The following UQCRC2 variants were observed in gnomAD, a reference collection of about 807,000 sequenced individuals.
The protein encoded by UQCRC2 is cytochrome b-c1 complex subunit 2, mitochondrial.
A neutral mutation model predicts 55.6 loss-of-function variants in UQCRC2; 49 were observed. The observed-to-expected ratio is 0.88, with a 90% CI of 0.70 to 1.12. The LOEUF is 1.12. Ranked by LOEUF, UQCRC2 falls within the 50% of genes most tolerant of loss-of-function variation. The probability of loss-of-function intolerance (pLI) is 0.00; values close to 1 mark genes in which losing one functional copy is unlikely to be tolerated. For synonymous variants in UQCRC2, 193 were observed against 192.0 expected (o/e 1.01, Z -0.04); for missense variants, 506 against 547.8 (o/e 0.92, Z 0.76).
At chr16:21,978,064 A>G (rs1375176601) in intron 12 of UQCRC2, among the ~76,000 whole-genome samples, 1 of 152,222 alleles carries the variant, frequency 6.6e-6, no homozygotes, top group Non-Finnish European at 1.5e-5. Context: ...TAATAAGTGT[A>G]ACACAGTTCT....
intron 1 of UQCRC2, among the ~76,000 whole-genome samples, chr16:21,955,513 G>C (rs753406163): frequency 1.2e-4 from 18 of 152,130 alleles, no homozygotes; most frequent in Non-Finnish European, 5.9e-5. Flanking sequence ...ATGAACTTTA[G>C]TCATAATCAG....
At chr16:21,965,206 C>CT in intron 6 of UQCRC2, among the ~76,000 whole-genome samples, 1 of 152,270 alleles carries the variant, frequency 6.6e-6, no homozygotes, top group Non-Finnish European at 1.5e-5. Flanking sequence ...GCCATGTAAT[C>CT]TTTTTTATTT....
chr16:21,970,939 T>TA (rs1898444837), intron 8 of UQCRC2, among the ~76,000 whole-genome samples: 1 of 152,076 alleles, frequency 6.6e-6, no homozygotes. Context: ...TTTTTTTTTT[T>TA]AATTGTTGAG....
chr16:21,981,754 C>A (rs1898734287), intron 13 of UQCRC2, among the ~76,000 whole-genome samples: 1 of 151,892 alleles, frequency 6.6e-6, no homozygotes, highest in African/African-American at 2.4e-5. Flanking sequence ...CAGAGTGAGA[C>A]CCTGTCTCAA....
chr16:21,968,545 T>G lies in UQCRC2; in HGVS notation c.613-83T>G, dbSNP rs572638074. The G allele has an allele frequency of 1.0e-5, 13 of 1,290,176 alleles. No homozygotes were observed. In the Admixed American group the frequency reaches 2.3e-4, roughly 22 times the overall value. The allele number at this position is 1,290,176 out of a possible 1,614,324, so 79.9% of individuals were successfully genotyped here. Reference sequence around the variant, plus strand: ...TTATAAGGCCTTATAAGTATTTATTTTCTTCCAAACTGTACTTTTATGTTT... The same window carrying G: ...TTATAAGGCCTTATAAGTATTTATTGTCTTCCAAACTGTACTTTTATGTTT... On this transcript the variant is annotated intron_variant, in intron 7 of 13. Transcript: ENST00000268379.
intron 6 of UQCRC2, among the ~76,000 whole-genome samples, chr16:21,963,584 C>G (rs928612539): frequency 1.3e-5 from 2 of 152,052 alleles, no homozygotes; most frequent in African/African-American, 2.4e-5. Context: ...CTACCTCAGC[C>G]TCCTGAGTAG....
intron 5 of UQCRC2, 92 bp from the exon 6 acceptor site, chr16:21,962,669 A>G (rs1898231982): frequency 1.3e-6 from 2 of 1,598,584 alleles, no homozygotes; most frequent in Non-Finnish European, 8.6e-7. Context: ...CAAGACCTAA[A>G]GTTTCACATT....
chr16:21,970,647 G>A (rs973067454), intron 8 of UQCRC2, among the ~76,000 whole-genome samples: 4 of 151,952 alleles, frequency 2.6e-5, no homozygotes, highest in African/African-American at 9.7e-5. Context: ...GTGCAGTGGC[G>A]CAATCTCAGC....
chr16:21,961,818 A>G (rs1898212877), intron 4 of UQCRC2, among the ~76,000 whole-genome samples: 1 of 150,818 alleles, frequency 6.6e-6, no homozygotes. Context: ...TGCTTGGCTA[A>G]TTTTTGTATT....
chr16:21,954,434 G>A lies in UQCRC2; in HGVS notation c.33+978G>A, dbSNP rs541720651. On this transcript the variant is annotated intron_variant, in intron 1 of 13. Transcript: ENST00000268379. ...GCTGTGGGCTATATCGATTTAGGCTGTAATTGCATTAACCTTCCAGGTATA... is the reference window on the plus strand; with the variant it reads ...GCTGTGGGCTATATCGATTTAGGCTATAATTGCATTAACCTTCCAGGTATA... 3.9e-5 allele frequency among the ~76,000 whole-genome samples: 6 copies of A among 152,280 alleles called. No individual in the cohort carries two copies. The East Asian group carries it at 5.8e-4, about 15-fold the overall frequency.
intron 3 of UQCRC2, among the ~76,000 whole-genome samples, chr16:21,958,060 A>G (rs2141926887): frequency 6.6e-6 from 1 of 152,370 alleles, no homozygotes; most frequent in South Asian, 2.1e-4. Context: ...ATAAAGTAAC[A>G]TGCAAATATT....
At position 21,958,474 on chromosome 16, in the gene UQCRC2, G is replaced by A. The variant is rs1898128885; in HGVS notation, c.268-61G>A. ...TGCTCACAACAGATTTTGATATAGTGTGATGTTTGGCAAACTTGGCATTGA... is the reference window on the plus strand; with the variant it reads ...TGCTCACAACAGATTTTGATATAGTATGATGTTTGGCAAACTTGGCATTGA... On this transcript the variant is annotated intron_variant, in intron 3 of 13. Coordinates refer to ENST00000268379, the MANE Select transcript of UQCRC2 (RefSeq NM_003366.4). 1.3e-5 allele frequency: 19 copies of A among 1,439,974 alleles called. No individual in the cohort carries two copies. In the South Asian group the frequency reaches 2.0e-4, roughly 15 times the overall value. 89.2% of individuals were successfully genotyped at this position (1,439,974 alleles called of 1,614,324 possible). A position where few individuals can be genotyped will look rare whatever the true frequency, so the allele number is the denominator to read the frequency against.
intron 7 of UQCRC2, among the ~76,000 whole-genome samples, chr16:21,967,282 T>C (rs192068000): frequency 6.6e-6 from 1 of 152,278 alleles, no homozygotes; most frequent in African/African-American, 2.4e-5. Context: ...TGATTAAAAG[T>C]TCAGTTTCAT....
chr16:21,972,922 A>G (rs1898496580), intron 10 of UQCRC2, among the ~76,000 whole-genome samples: 1 of 152,220 alleles, frequency 6.6e-6, no homozygotes, highest in Non-Finnish European at 1.5e-5. Flanking sequence ...TAACACAGTG[A>G]AACCCTGTCT....
At chr16:21,971,746 G>T in intron 9 of UQCRC2, 126 bp downstream of exon 9, 1 of 1,318,852 alleles carries the variant, frequency 7.6e-7, no homozygotes, top group East Asian at 2.4e-5. Flanking sequence ...TGGATGGCTT[G>T]GGTGTTGTAT....
intron 1 of UQCRC2, among the ~76,000 whole-genome samples, chr16:21,955,840 C>G (rs1389613340): frequency 6.8e-6 from 1 of 146,312 alleles, no homozygotes; most frequent in Non-Finnish European, 1.5e-5. Flanking sequence ...TTTTTTTTTT[C>G]TTGAGACGGA....
rs202062544 is a variant in UQCRC2 at position 21,980,711 on chromosome 16, G to C, written c.1278+11G>C. 21 of 1,611,316 alleles carry C rather than the reference G, an allele frequency of 1.3e-5. No individual in the cohort carries two copies. Among genetic ancestry groups the C allele is most frequent in the Non-Finnish European group, 1.8e-5 (21 of 1,179,142 alleles). On this transcript the variant is annotated intron_variant, in intron 13 of 13. Transcript: ENST00000268379. ...GCTGATATCATAAATGTAAGTAAAT[G>C]AAAACTTAACGATTTAACAACAGAG...
chr16:21,956,270 G>T (rs867201769), intron 1 of UQCRC2, among the ~76,000 whole-genome samples: 1 of 152,292 alleles, frequency 6.6e-6, no homozygotes, highest in South Asian at 2.1e-4. Context: ...CAGGCCAGGT[G>T]TGGTGGCTCC....
At chr16:21,961,292 A>T (rs771964703) in intron 4 of UQCRC2, 1 of 442,916 alleles carries the variant, frequency 2.3e-6, no homozygotes, top group East Asian at 7.1e-5. Flanking sequence ...GGTATTCTTT[A>T]TAAAGACTGG....
Sources: allele counts gnomAD v4.1 joint callset (sites outside exome capture counted in the v4.1 genomes callset), GRCh38; gene constraint gnomAD v4.1.1; transcripts MANE v1.5; gene names NCBI Gene and HGNC (gene_info 2026-07-23, HGNC 2026-07-21).